The following LAMA3 variants were observed in gnomAD, a reference collection of about 807,000 sequenced individuals.
The protein encoded by LAMA3 is laminin subunit alpha 3.
LAMA3 carries 281 observed loss-of-function variants against 402.0 expected under a neutral mutation model. The ratio of observed to expected loss-of-function variants is 0.70; its 90% CI spans 0.63 to 0.77. LAMA3 has a LOEUF of 0.77. Ranked by LOEUF, LAMA3 falls within the 30% of genes least tolerant of loss-of-function variation. The probability of loss-of-function intolerance (pLI) is 0.00; values close to 1 mark genes in which losing one functional copy is unlikely to be tolerated. For missense variants in LAMA3, 3,840 were observed against 4,215.5 expected (o/e 0.91, Z 2.47); for synonymous variants, 1,431 against 1,558.4 (o/e 0.92, Z 1.93).
chr18:23,889,287 C>T (rs1211082314), intron 41 of LAMA3, among the ~76,000 whole-genome samples: 8 of 151,916 alleles, frequency 5.3e-5, no homozygotes, highest in Admixed American at 3.9e-4. Flanking sequence ...ATTAACCAGG[C>T]CTGGTGGCAT....
rs1304126844 is a variant in LAMA3 at position 23,717,719 on chromosome 18, AATTTTTTT to A, written c.447+3648_447+3655del. On this transcript the variant is annotated intron_variant, in intron 2 of 74. Coordinates refer to ENST00000313654, the MANE Select transcript of LAMA3 (RefSeq NM_198129.4). The stretch of plus-strand genomic sequence containing the variant: ...AGGTGCCCACCACCATGCCTGGCTA[AATTTTTTT>A]TTTTTTTTTTTTTTTTTTTTTTTAG... Among the ~76,000 whole-genome samples the A allele has an allele frequency of 4.3e-5, 5 of 116,810 alleles. No individual in the cohort carries two copies. In the South Asian group the frequency reaches 9.1e-4, roughly 21 times the overall value. The allele number at this position is 116,810 out of a possible 152,430, so 76.6% of individuals were successfully genotyped here.
At chr18:23,726,488 G>A (rs1041440869) in intron 2 of LAMA3, among the ~76,000 whole-genome samples, 3 of 152,218 alleles carry the variant, frequency 2.0e-5, no homozygotes, top group African/African-American at 7.2e-5. Flanking sequence ...CTCAGGCGCT[G>A]GGCAGGGCTG....
At chr18:23,752,268 TCC>T (rs2061765598) in intron 5 of LAMA3, among the ~76,000 whole-genome samples, 2 of 152,082 alleles carry the variant, frequency 1.3e-5, no homozygotes, top group Non-Finnish European at 2.9e-5. Flanking sequence ...GTGTTTCTGT[TCC>T]TCCATGTGCC....
intron 19 of LAMA3, 60 bp downstream of exon 19, chr18:23,820,057 G>T: frequency 6.5e-7 from 1 of 1,539,170 alleles, no homozygotes; most frequent in Non-Finnish European, 9.0e-7. Flanking sequence ...CCCCACACCA[G>T]TCTCAGGGAG....
chr18:23,914,658 T>A, intron 57 of LAMA3, 40 bp from the exon 58 acceptor site: 3 of 1,597,422 alleles, frequency 1.9e-6, no homozygotes, highest in African/African-American at 1.3e-5. Context: ...ATTCTTCAAA[T>A]TTTTTGTTTA....
rs147692263 is a variant in LAMA3, at chr18:23,705,258, A to G, written c.295-8662A>G. On this transcript the variant is annotated intron_variant, in intron 1 of 74. Transcript: ENST00000313654. ...CTGTTCCTTTTCTTCTCTGACTTCT[A>G]TCAGTTTTTGCCCTGCTTTATTTAT... 1.1e-3 allele frequency among the ~76,000 whole-genome samples: 170 copies of G among 152,198 alleles called. 4 individuals carry two copies. In the East Asian group the frequency reaches 0.031, roughly 28 times the overall value.
chr18:23,872,865 C>T (rs900026797), intron 38 of LAMA3: 8 of 658,558 alleles, frequency 1.2e-5, no homozygotes, highest in Admixed American at 2.5e-5. Flanking sequence ...CGCTTACCTG[C>T]GGGACTGTTA....
At chr18:23,700,155 T>C (rs950717125) in intron 1 of LAMA3, among the ~76,000 whole-genome samples, 1 of 152,166 alleles carries the variant, frequency 6.6e-6, no homozygotes. Context: ...GTTCCTCCTC[T>C]TACTTTCGGG....
At chr18:23,914,977 C>A in intron 58 of LAMA3, 117 bp downstream of exon 58, 1 of 878,368 alleles carries the variant, frequency 1.1e-6, no homozygotes, top group Non-Finnish European at 1.8e-6. Context: ...CACATTCTTA[C>A]AGCACATTCT....
chr18:23,948,692 C>T (rs1393887461), intron 70 of LAMA3, among the ~76,000 whole-genome samples: 2 of 151,970 alleles, frequency 1.3e-5, no homozygotes, highest in African/African-American at 4.8e-5. Flanking sequence ...GCCTCAGTCT[C>T]CTGCATAGCT....
chr18:23,779,069 CAA>C (rs2062382668), intron 11 of LAMA3, among the ~76,000 whole-genome samples: 2 of 151,990 alleles, frequency 1.3e-5, no homozygotes, highest in South Asian at 4.1e-4. Context: ...GTTCAGTGAA[CAA>C]AAAGAGACCA....
At chr18:23,914,910 G>T (rs766008368) in intron 58 of LAMA3, 50 bp downstream of exon 58, 1 of 1,411,222 alleles carries the variant, frequency 7.1e-7, no homozygotes, top group African/African-American at 1.4e-5. Context: ...TTTTAATTTG[G>T]TATGGTGATG....
chr18:23,729,572 T>A (rs1029913464), intron 2 of LAMA3, among the ~76,000 whole-genome samples: 2 of 152,240 alleles, frequency 1.3e-5, no homozygotes, highest in Non-Finnish European at 2.9e-5. Context: ...CGAAAACTCT[T>A]CAACATCTGC....
chr18:23,906,769 T>C (rs987756921), intron 52 of LAMA3, among the ~76,000 whole-genome samples: 15 of 152,262 alleles, frequency 9.9e-5, no homozygotes, highest in African/African-American at 3.6e-4. Context: ...GTATGACATC[T>C]ATTTCTCTCT....
At chr18:23,791,734 TAAAA>T (rs11348422) in intron 12 of LAMA3, among the ~76,000 whole-genome samples, 20 of 89,682 alleles carry the variant, frequency 2.2e-4, no homozygotes, top group African/African-American at 8.1e-4. Flanking sequence ...AGAATTTGTC[TAAAA>T]AAAAAAAAAA....
intron 11 of LAMA3, among the ~76,000 whole-genome samples, chr18:23,780,144 T>C (rs1443718584): frequency 6.6e-6 from 1 of 152,186 alleles, no homozygotes; most frequent in Non-Finnish European, 1.5e-5. Context: ...AGCATATTCT[T>C]CATTCATTAA....
chr18:23,920,274 C>T (rs2081785647), intron 60 of LAMA3, among the ~76,000 whole-genome samples: 1 of 152,206 alleles, frequency 6.6e-6, no homozygotes, highest in Non-Finnish European at 1.5e-5. Flanking sequence ...TTTGAGGTCT[C>T]TGTGAGTCAT....
intron 1 of LAMA3, among the ~76,000 whole-genome samples, chr18:23,690,870 C>CAATT (rs1197402395): frequency 2.6e-5 from 3 of 117,244 alleles, no homozygotes; most frequent in African/African-American, 5.9e-5. Flanking sequence ...TCAGGCCTGG[C>CAATT]AATTATTTAT....
Position 23,714,119 on chromosome 18 carries a change from G to GT in LAMA3, c.447+50dup, listed in dbSNP as rs2061049213. 3 of 1,527,118 alleles carry GT rather than the reference G, an allele frequency of 2.0e-6. No individual in the cohort carries two copies. The East Asian group carries it at 6.8e-5, about 34-fold the overall frequency. The allele number at this position is 1,527,118 out of a possible 1,614,324, so 94.6% of individuals were successfully genotyped here. A position where few individuals can be genotyped will look rare whatever the true frequency, so the allele number is the denominator to read the frequency against. ...AATGGGAACATGAGCTTAGATCACT[G>GT]TTTCTATGGGGATTTCTGATATAAT... is the stretch of plus-strand genomic sequence containing the variant. On this transcript the variant is annotated intron_variant, in intron 2 of 74. Coordinates refer to ENST00000313654, the MANE Select transcript of LAMA3 (RefSeq NM_198129.4).
Sources: gnomAD v4.1 joint callset for allele counts (sites outside exome capture counted in the v4.1 genomes callset) on GRCh38, gnomAD v4.1.1 for gene constraint, MANE v1.5 for transcripts, NCBI Gene and HGNC (gene_info 2026-07-23, HGNC 2026-07-21) for gene names.